FAM135A: variants seen among roughly 807,000 people sequenced by gnomAD.
The protein encoded by FAM135A is family with sequence similarity 135 member A, also known as protein FAM135A.
In FAM135A, 79 loss-of-function variants were observed where a neutral mutation model predicts 146.8. The observed-to-expected ratio is 0.54, with a 90% CI of 0.45 to 0.65. FAM135A has a LOEUF of 0.65. Among genes scored for constraint, FAM135A ranks in the 30% least tolerant of loss-of-function variants. The pLI is 0.00. For missense variants in FAM135A, 1,623 were observed against 1,758.2 expected, an observed-to-expected ratio of 0.92 and a Z score of 1.38; for synonymous variants, 562 against 603.6, an observed-to-expected ratio of 0.93 and a Z score of 1.01.
At chr6:70,488,215 TACAGA>T (rs1160702511) in intron 10 of FAM135A, among the ~76,000 whole-genome samples, 1 of 152,094 alleles carries the variant, frequency 6.6e-6, no homozygotes, top group Non-Finnish European at 1.5e-5. Flanking sequence ...AAGAGTGGAA[TACAGA>T]ATATATCATG....
Position 70,540,730 on chromosome 6 carries a change from CTT to C in FAM135A, c.4228+2331_4228+2332del, listed in dbSNP as rs575886165. Among the ~76,000 whole-genome samples the C allele has an allele frequency of 2.0e-5, 3 of 152,252 alleles. No individual in the cohort carries two copies. In the East Asian group the frequency reaches 5.8e-4, roughly 29 times the overall value. On this transcript the variant is annotated intron_variant, in intron 20 of 21. Coordinates refer to ENST00000418814, the MANE Select transcript of FAM135A (RefSeq NM_001162529.3). ...TTACTTTTGTCTTTCATGTATTACT[CTT>C]TGTTTTTCTATCCTAGTCATCTTGC...
At chr6:70,486,139 T>G (rs1286172755) in intron 10 of FAM135A, 13 of 1,603,880 alleles carry the variant, frequency 8.1e-6, no homozygotes, top group Non-Finnish European at 1.1e-5. Flanking sequence ...GTATAGTAAC[T>G]AGTGCTGTGT....
At chr6:70,519,307 A>G (rs935926933) in intron 12 of FAM135A, among the ~76,000 whole-genome samples, 17 of 152,350 alleles carry the variant, frequency 1.1e-4, no homozygotes, top group African/African-American at 4.1e-4. Context: ...GTTGCTTCTT[A>G]TGGATGAACA....
chr6:70,458,713 G>T (rs2128083763), intron 5 of FAM135A, among the ~76,000 whole-genome samples: 1 of 152,254 alleles, frequency 6.6e-6, no homozygotes, highest in South Asian at 2.1e-4. Flanking sequence ...TTGATGGGAT[G>T]TGGTGACTTA....
chr6:70,462,540 T>C (rs938940786), intron 5 of FAM135A, among the ~76,000 whole-genome samples: 12 of 151,762 alleles, frequency 7.9e-5, no homozygotes, highest in Non-Finnish European at 1.5e-4. Context: ...GTGGGGAAGG[T>C]CTTAATAAAA....
chr6:70,558,157 C>A (rs1482611655), intron 21 of FAM135A, among the ~76,000 whole-genome samples: 1 of 152,214 alleles, frequency 6.6e-6, no homozygotes, highest in East Asian at 1.9e-4. Flanking sequence ...TCCAACCTGA[C>A]TCAAAATGAA....
In FAM135A at chr6:70,538,268, C is replaced by G. The variant is rs185410807; in HGVS notation, c.4118-23C>G. Reference sequence around the variant, plus strand: ...TTTTTATATATTTCATTTCATACTTCTATATCATATATGACTCTCTAGGTC... The same window carrying G: ...TTTTTATATATTTCATTTCATACTTGTATATCATATATGACTCTCTAGGTC... On this transcript the variant is annotated intron_variant, in intron 19 of 21. Transcript: ENST00000418814. The G allele has an allele frequency of 1.0e-3, 1,349 of 1,302,474 alleles. 1 individual carries two copies. Among genetic ancestry groups the G allele is most frequent in the Non-Finnish European group, 1.3e-3 (1,285 of 980,680 alleles). The allele number at this position is 1,302,474 out of a possible 1,614,324, so 80.7% of individuals were successfully genotyped here.
chr6:70,419,877 A>T (rs1768421407), intron 2 of FAM135A, among the ~76,000 whole-genome samples: 1 of 152,150 alleles, frequency 6.6e-6, no homozygotes, highest in Admixed American at 6.5e-5. Context: ...AAGAAATCGA[A>T]TTTTTTCTTA....
chr6:70,552,290 G>GCTTTATATAAACCCTTTATATAAACC (rs566612052), intron 20 of FAM135A, among the ~76,000 whole-genome samples: 3 of 151,726 alleles, frequency 2.0e-5, no homozygotes, highest in Non-Finnish European at 2.9e-5. Flanking sequence ...CCTGGTTTCT[G>GCTTTATATAAACCCTTTATATAAACC]CTTTATATAA....
chr6:70,526,772 C>G, intron 15 of FAM135A, 74 bp downstream of exon 15: 1 of 610,188 alleles, frequency 1.6e-6, no homozygotes. Flanking sequence ...CACATACACA[C>G]ACACACACAC....
chr6:70,482,183 A>G (rs1248948179), intron 10 of FAM135A, 29 bp downstream of exon 10: 2 of 1,609,076 alleles, frequency 1.2e-6, no homozygotes, highest in Non-Finnish European at 1.7e-6. Context: ...GACTTATTCT[A>G]CAGTTCAAAT....
At chr6:70,539,423 A>G (rs1243167055) in intron 20 of FAM135A, among the ~76,000 whole-genome samples, 1 of 152,214 alleles carries the variant, frequency 6.6e-6, no homozygotes, top group African/African-American at 2.4e-5. Context: ...ACAAATGAGC[A>G]TGACTGTGTT....
intron 11 of FAM135A, among the ~76,000 whole-genome samples, chr6:70,495,417 T>C (rs771939069): frequency 1.1e-3 from 166 of 152,266 alleles, no homozygotes; most frequent in Non-Finnish European, 6.3e-4. Flanking sequence ...TAGGACATGA[T>C]CATAATTCCT....
intron 5 of FAM135A, among the ~76,000 whole-genome samples, chr6:70,462,094 A>G (rs538579939): frequency 9.8e-5 from 15 of 152,314 alleles, no homozygotes; most frequent in Admixed American, 6.5e-4. Flanking sequence ...AAAGCCATTT[A>G]TATGTAATTT....
chr6:70,460,444 A>G (rs1231778288), intron 5 of FAM135A, among the ~76,000 whole-genome samples: 1 of 152,166 alleles, frequency 6.6e-6, no homozygotes, highest in Non-Finnish European at 1.5e-5. Flanking sequence ...TGACATTCAT[A>G]TCCTGTTTTG....
intron 4 of FAM135A, among the ~76,000 whole-genome samples, chr6:70,444,444 G>A (rs1775258110): frequency 6.6e-6 from 1 of 151,806 alleles, no homozygotes; most frequent in African/African-American, 2.4e-5. Flanking sequence ...CATGCCTGTG[G>A]GTTCCAGCTA....
At chr6:70,459,336 G>A (rs1464914959) in intron 5 of FAM135A, among the ~76,000 whole-genome samples, 4 of 152,090 alleles carry the variant, frequency 2.6e-5, no homozygotes, top group Admixed American at 2.6e-4. Context: ...AGGTTGAGTG[G>A]GATGGGAATT....
chr6:70,524,123 T>C lies in FAM135A; in HGVS notation c.1258+2T>C. On this transcript the variant is annotated splice_donor_variant, in intron 14 of 21. Coordinates refer to ENST00000418814, the MANE Select transcript of FAM135A (RefSeq NM_001162529.3). LOFTEE classifies it high-confidence loss of function. ...GGTATTTAGATTCAGTTACTGAAGG[T>C]AAGTGTAATCTAACTAAAATATACA... The C allele has an allele frequency of 6.2e-7, 1 of 1,607,344 alleles. No homozygotes were observed.
chr6:70,536,899 A>G (rs1239937372), intron 19 of FAM135A, among the ~76,000 whole-genome samples: 1 of 149,974 alleles, frequency 6.7e-6, no homozygotes, highest in African/African-American at 2.5e-5. Context: ...TTTGATTAGT[A>G]TTTATATTCT....
Sources: allele counts gnomAD v4.1 joint callset (sites outside exome capture counted in the v4.1 genomes callset), GRCh38; gene constraint gnomAD v4.1.1; transcripts MANE v1.5; gene names NCBI Gene and HGNC (gene_info 2026-07-23, HGNC 2026-07-21).